DIXDC1: variants seen among roughly 807,000 people sequenced by gnomAD.
The protein encoded by DIXDC1 is dixin.
DIXDC1 carries 64 observed loss-of-function variants against 103.1 expected under a neutral mutation model. That is an observed-to-expected ratio of 0.62 (90% confidence interval 0.51 to 0.76). The LOEUF (loss-of-function observed/expected upper bound fraction) is 0.76, where lower values mean the gene tolerates loss of function less well. Among genes scored for constraint, DIXDC1 ranks in the 30% least tolerant of loss-of-function variants. DIXDC1 has a pLI of 0.00. For missense variants in DIXDC1, 759 were observed against 834.2 expected (o/e 0.91, Z 1.11); for synonymous variants, 266 against 298.5 (o/e 0.89, Z 1.12).
chr11:111,992,840 C>G (rs1860750850), intron 11 of DIXDC1, 111 bp from the exon 12 acceptor site: 1 of 1,082,926 alleles, frequency 9.2e-7, no homozygotes, highest in Non-Finnish European at 1.4e-6. Flanking sequence ...ATCATACCCT[C>G]TCTGTGCTGC....
chr11:111,993,572 A>T lies in DIXDC1; in HGVS notation c.1349A>T (p.Asp450Val), dbSNP rs1860779445. 2 of 1,613,882 alleles carry T rather than the reference A, an allele frequency of 1.2e-6. No homozygotes were observed. The highest frequency in any genetic ancestry group is 2.7e-5 in the African/African-American group (2 of 74,922). ...KLEEALRKLS[D>V]VSYHQVDLER... ...GAAGAAGCACTCCGGAAACTCTCTG[A>T]TGTCAGTTACCACCAGGTCAGAACA... Residue 450 changes from aspartate (D) to valine (V), a missense_variant, in exon 13 of 20, where the codon GAT (aspartate) becomes GTT (valine). Transcript: ENST00000440460.
rs201136692 is a variant in DIXDC1 at position 111,953,134 on chromosome 11, AAAAG to A, written c.61-11405_61-11402del. Among the ~76,000 whole-genome samples, 89 of 152,326 alleles carry A rather than the reference AAAAG, an allele frequency of 5.8e-4. No homozygotes were observed. The East Asian group carries it at 6.0e-3, about 10-fold the overall frequency. On this transcript the variant is annotated intron_variant, in intron 1 of 19. Transcript: ENST00000440460. Reference sequence around the variant, plus strand: ...GTATCAATACTATCAGGTTTTTCACAAAAGAAAGAAAGAGAAATAAAGGAACATA... The same window carrying A: ...GTATCAATACTATCAGGTTTTTCACAAAAGAAAGAGAAATAAAGGAACATA...
Position 111,977,338 on chromosome 11 carries a change from C to T in DIXDC1, c.656+2355C>T. 5.6e-6 allele frequency: 6 copies of T among 1,068,644 alleles called. No individual in the cohort carries two copies. The highest frequency in any genetic ancestry group is 6.8e-6 in the Non-Finnish European group (6 of 882,340). The allele number at this position is 1,068,644 out of a possible 1,614,324, so 66.2% of individuals were successfully genotyped here. ...GGAAGGTGGCACGGAGTGGGATCGC[C>T]GCTGGGGACTCGAGGCGCAGCCTGC... On this transcript the variant is annotated intron_variant, in intron 5 of 19. Coordinates refer to ENST00000440460, the MANE Select transcript of DIXDC1 (RefSeq NM_001037954.4). This position sits in a 1 kb window ranked among gnomAD's most constrained non-coding sequence, Gnocchi z 6.1.
At chr11:112,007,406 T>TA (rs1555176715) in intron 17 of DIXDC1, among the ~76,000 whole-genome samples, 1 of 152,150 alleles carries the variant, frequency 6.6e-6, no homozygotes, top group Non-Finnish European at 1.5e-5. Flanking sequence ...CAGGAATACT[T>TA]ACCCAATCTA....
intron 17 of DIXDC1, among the ~76,000 whole-genome samples, chr11:112,004,968 A>T (rs587651149): frequency 6.6e-6 from 1 of 152,210 alleles, no homozygotes; most frequent in South Asian, 2.1e-4. Flanking sequence ...ATAAGAAATT[A>T]TGAGGCATCC....
intron 17 of DIXDC1, among the ~76,000 whole-genome samples, chr11:111,997,369 C>A (rs1004904280): frequency 1.3e-5 from 2 of 151,488 alleles, no homozygotes. Flanking sequence ...GAGTTTCACT[C>A]TTGTTGCCCA....
At position 111,979,820 on chromosome 11, in the gene DIXDC1, C is replaced by A. The variant is rs1303666854; in HGVS notation, c.657-917C>A. Among the ~76,000 whole-genome samples, 3 of 152,058 alleles carry A rather than the reference C, an allele frequency of 2.0e-5. No individual in the cohort carries two copies. The East Asian group carries it at 5.8e-4, about 29-fold the overall frequency. Reference sequence around the variant, plus strand: ...AATGATTTAAAAATTAGCTTGGCATCATATGCACCTGTAGTCCTAGCTGCT... The same window carrying A: ...AATGATTTAAAAATTAGCTTGGCATAATATGCACCTGTAGTCCTAGCTGCT... On this transcript the variant is annotated intron_variant, in intron 5 of 19. Transcript: ENST00000440460.
intron 1 of DIXDC1, among the ~76,000 whole-genome samples, chr11:111,959,651 C>T (rs1169946474): frequency 6.6e-6 from 1 of 152,234 alleles, no homozygotes; most frequent in East Asian, 1.9e-4. Flanking sequence ...AGGTTTCCAG[C>T]TAGCAAAGTG....
chr11:112,006,103 A>G (rs1436869476), intron 17 of DIXDC1, among the ~76,000 whole-genome samples: 9 of 152,162 alleles, frequency 5.9e-5, no homozygotes, highest in Non-Finnish European at 1.5e-5. Flanking sequence ...CGTTTTCAAC[A>G]GTCTTAGCAA....
intron 1 of DIXDC1, among the ~76,000 whole-genome samples, chr11:111,950,430 ATATATATATTTTTTTTTTTTTTTTTTT>A (rs1461614113): frequency 3.3e-4 from 7 of 21,174 alleles, no homozygotes; most frequent in African/African-American, 1.5e-3. Context: ...ATATATATAT[ATATATATATTTTTTTTTTTTTTTTTTT>A]TTTTTTTTTT....
chr11:112,007,275 C>T (rs587765473), intron 17 of DIXDC1, among the ~76,000 whole-genome samples: 12 of 152,178 alleles, frequency 7.9e-5, no homozygotes, highest in South Asian at 2.1e-4. Flanking sequence ...TAAAAAGCAA[C>T]GAACAAAGCC....
chr11:111,994,211 A>G (rs113448253), intron 14 of DIXDC1, among the ~76,000 whole-genome samples: 3,928 of 152,030 alleles, frequency 0.026, 181 homozygotes, highest in African/African-American at 0.09. Context: ...ATGTGGTGAA[A>G]CCTCGTCTCT....
chr11:111,956,149 C>T (rs1555170543), intron 1 of DIXDC1, among the ~76,000 whole-genome samples: 2 of 152,054 alleles, frequency 1.3e-5, no homozygotes, highest in Non-Finnish European at 2.9e-5. Context: ...TGTATGATTC[C>T]ACTTATATGA....
At chr11:112,010,295 A>C (rs1861374680) in intron 17 of DIXDC1, among the ~76,000 whole-genome samples, 1 of 152,228 alleles carries the variant, frequency 6.6e-6, no homozygotes, top group African/African-American at 2.4e-5. Flanking sequence ...TGCCCAGGGA[A>C]ATAAAAGAGG....
chr11:111,931,643 A>AAAAT lies in DIXDC1; in HGVS notation c.57+1752_57+1755dup, dbSNP rs1231968308. Among the ~76,000 whole-genome samples, 13 of 152,312 alleles carry AAAAT rather than the reference A, an allele frequency of 8.5e-5. No individual in the cohort carries two copies. In the South Asian group the frequency reaches 2.1e-3, roughly 24 times the overall value. ...GGGTGACAGATTGAGACTCCATCCC[A>AAAAT]AAATAAATAAATAAATAAATAATTA... On this transcript the variant is annotated intron_variant, in intron 2 of 5. Coordinates refer to the DIXDC1 transcript ENST00000529225.
At chr11:111,990,082 G>T (rs7928483) in intron 10 of DIXDC1, among the ~76,000 whole-genome samples, 1 of 141,746 alleles carries the variant, frequency 7.1e-6, no homozygotes, top group East Asian at 2.1e-4. Flanking sequence ...GAGCCACCGC[G>T]CCCGGCCTTT....
At chr11:111,990,466 A>G (rs489417) in intron 10 of DIXDC1, among the ~76,000 whole-genome samples, 76,832 of 152,028 alleles carry the variant, frequency 0.51, 21,783 homozygotes, top group African/African-American at 0.78. Flanking sequence ...CCAAATGGTA[A>G]TATACTAGAA....
upstream of DIXDC1, chr11:111,937,193 C>G (rs1966230513): frequency 9.3e-7 from 1 of 1,074,970 alleles, no homozygotes; most frequent in Non-Finnish European, 1.1e-6. Context: ...CCCGCCTGGC[C>G]GTGCGGCTTT....
chr11:112,017,678 G>A lies in DIXDC1; in HGVS notation c.1863-99G>A. On this transcript the variant is annotated intron_variant, in intron 18 of 19. Transcript: ENST00000440460. This position sits in a 1 kb window ranked among gnomAD's most constrained non-coding sequence, Gnocchi z 4.0. Reference sequence around the variant, plus strand: ...AGTGACCTAACAAGGGGCTATTTCTGCTTATTGACTTTGGCAGGGGGCTGT... The same window carrying A: ...AGTGACCTAACAAGGGGCTATTTCTACTTATTGACTTTGGCAGGGGGCTGT... 1.0e-6 allele frequency: 1 copy of A among 960,948 alleles called. No individual in the cohort carries two copies. Among genetic ancestry groups the A allele is most frequent in the Non-Finnish European group, 1.6e-6 (1 of 634,700 alleles). The allele number at this position is 960,948 out of a possible 1,614,324, so 59.5% of individuals were successfully genotyped here. A position where few individuals can be genotyped will look rare whatever the true frequency, so the allele number is the denominator to read the frequency against.
Sources: allele counts gnomAD v4.1 joint callset (sites outside exome capture counted in the v4.1 genomes callset), GRCh38; gene constraint gnomAD v4.1.1; non-coding constraint Gnocchi (gnomAD v3.1); transcripts MANE v1.5; gene names NCBI Gene and HGNC (gene_info 2026-07-23, HGNC 2026-07-21).